The following FXN variants were observed in gnomAD, a reference collection of about 807,000 sequenced individuals.
FXN encodes frataxin.
In FXN, 14 loss-of-function variants were observed where a neutral mutation model predicts 22.4. The observed-to-expected ratio is 0.62, with a 90% CI of 0.41 to 0.98. The LOEUF (loss-of-function observed/expected upper bound fraction) is 0.98. Ranked by LOEUF, FXN falls within the 50% of genes least tolerant of loss-of-function variation. FXN has a pLI of 0.00. For synonymous variants in FXN, 120 were observed against 114.1 expected (o/e 1.05, Z -0.33); for missense variants, 267 against 268.4 (o/e 0.99, Z 0.04).
Position 69,064,918 on chromosome 9 carries a change from T to C in FXN, c.385-20T>C. 1 of 1,491,274 alleles carries C rather than the reference T, an allele frequency of 6.7e-7. No homozygotes were observed. The highest frequency in any genetic ancestry group is 9.4e-7 in the Non-Finnish European group (1 of 1,067,808). The allele number at this position is 1,491,274 out of a possible 1,614,324, so 92.4% of individuals were successfully genotyped here. ...TCTTGTTTTAATTTCTTTATGCTTT[T>C]TTTCCACCTAATCCCCTAGAGTGGT... On this transcript the variant is annotated intron_variant, in intron 3 of 4. Coordinates refer to ENST00000484259, the MANE Select transcript of FXN (RefSeq NM_000144.5).
intron 3 of FXN, among the ~76,000 whole-genome samples, chr9:69,060,863 T>C (rs1307453602): frequency 1.3e-5 from 2 of 152,212 alleles, no homozygotes; most frequent in African/African-American, 4.8e-5. Context: ...GACCTGCAGA[T>C]GCTAGCATGA....
At position 69,073,718 on chromosome 9, in the gene FXN, A is replaced by C. The variant is rs947827249; in HGVS notation, c.*956A>C. The C allele has an allele frequency of 1.0e-5, 10 of 985,446 alleles. No individual in the cohort carries two copies. The highest frequency in any genetic ancestry group is 1.2e-5 in the Non-Finnish European group (10 of 829,934). The allele number at this position is 985,446 out of a possible 1,614,324, so 61.0% of individuals were successfully genotyped here. On this transcript the variant is annotated 3_prime_UTR_variant, in exon 5 of 5. Transcript: ENST00000484259. The stretch of plus-strand genomic sequence containing the variant: ...TTCCCCATCTGTTAAATGAGAGAAT[A>C]GAGTATGGTTGATTCCCAGCATTCA...
rs113695176 is a variant in FXN, at chr9:69,076,727, A to G, written c.*3965A>G. The G allele has an allele frequency of 4.4e-5, 43 of 985,350 alleles. No homozygotes were observed. Among genetic ancestry groups the G allele is most frequent in the Non-Finnish European group, 4.8e-5 (40 of 829,958 alleles). 61.0% of individuals were successfully genotyped at this position (985,350 alleles called of 1,614,324 possible). ...ATCGCTTTACGCTTCCAAGGTACAC[A>G]CTAAGATGAAAGTAATTTTAGTCCG... On this transcript the variant is annotated 3_prime_UTR_variant, in exon 5 of 5. Coordinates refer to ENST00000484259, the MANE Select transcript of FXN (RefSeq NM_000144.5).
chr9:69,076,763 G>A lies in FXN; in HGVS notation c.*4001G>A, dbSNP rs1286067253. ...AGTAATTTTAGTCCGTGTCCAGTTGGATTCTTGGCACATAGTTATCTTCTG... is the reference window on the plus strand; with the variant it reads ...AGTAATTTTAGTCCGTGTCCAGTTGAATTCTTGGCACATAGTTATCTTCTG... On this transcript the variant is annotated 3_prime_UTR_variant, in exon 5 of 5. Coordinates refer to ENST00000484259, the MANE Select transcript of FXN (RefSeq NM_000144.5). 1 of 985,282 alleles carries A rather than the reference G, an allele frequency of 1.0e-6. No individual in the cohort carries two copies. The highest frequency in any genetic ancestry group is 1.2e-6 in the Non-Finnish European group (1 of 829,934). The allele number at this position is 985,282 out of a possible 1,614,324, so 61.0% of individuals were successfully genotyped here.
rs772220865 is a variant in FXN at position 69,072,805 on chromosome 9, G to A, written c.*43G>A. 8.7e-6 allele frequency: 14 copies of A among 1,613,356 alleles called. No individual in the cohort carries two copies. In the South Asian group the frequency reaches 1.5e-4, roughly 18 times the overall value. ...AGGACATTAAAAGCTATCAGGCCAA[G>A]ACCCCAGCTTCATTATGCAGCTGAG... On this transcript the variant is annotated 3_prime_UTR_variant, in exon 5 of 5. Transcript: ENST00000484259.
chr9:69,048,940 G>A (rs1432638017), intron 2 of FXN, among the ~76,000 whole-genome samples: 1 of 152,202 alleles, frequency 6.6e-6, no homozygotes, highest in Non-Finnish European at 1.5e-5. Context: ...ACTGCATGCT[G>A]CATGTTTGAG....
At position 69,073,389 on chromosome 9, in the gene FXN, C is replaced by T; in HGVS notation, c.*627C>T. On this transcript the variant is annotated 3_prime_UTR_variant, in exon 5 of 5. Transcript: ENST00000484259. ...CCTAGTGCTGTTTCTCCCACATATTCACATACGTGTCTGTGTGTATATATA... is the reference window on the plus strand; with the variant it reads ...CCTAGTGCTGTTTCTCCCACATATTTACATACGTGTCTGTGTGTATATATA... 1 of 986,626 alleles carries T rather than the reference C, an allele frequency of 1.0e-6. No homozygotes were observed. The highest frequency in any genetic ancestry group is 1.2e-6 in the Non-Finnish European group (1 of 830,832). 61.1% of individuals were successfully genotyped at this position (986,626 alleles called of 1,614,324 possible).
chr9:69,049,433 G>A (rs1831814632), intron 2 of FXN, among the ~76,000 whole-genome samples: 1 of 152,110 alleles, frequency 6.6e-6, no homozygotes, highest in Non-Finnish European at 1.5e-5. Context: ...CCTGGAAGTG[G>A]GTGATGGACT....
chr9:69,071,278 A>G (rs1297918015), intron 4 of FXN: 1 of 518,972 alleles, frequency 1.9e-6, no homozygotes, highest in Non-Finnish European at 3.8e-6. Flanking sequence ...ACTCATTTTT[A>G]TCTCCATACT....
intron 3 of FXN, among the ~76,000 whole-genome samples, chr9:69,060,096 T>A (rs191591474): frequency 6.6e-6 from 1 of 152,142 alleles, no homozygotes; most frequent in South Asian, 2.1e-4. Context: ...CAGCCGGGCG[T>A]GGTGGCTCAC....
rs906848077 is a variant in FXN at position 69,052,301 on chromosome 9, T to C, written c.264-839T>C. Among the ~76,000 whole-genome samples the C allele has an allele frequency of 6.6e-5, 10 of 151,580 alleles. No homozygotes were observed. In the East Asian group the frequency reaches 2.0e-3, roughly 30 times the overall value. On this transcript the variant is annotated intron_variant, in intron 2 of 4. Coordinates refer to ENST00000484259, the MANE Select transcript of FXN (RefSeq NM_000144.5). ...CCCAAGTAGCTGGGAACTACAGGCG[T>C]GCACCACAAGCCCAGCTAATTTTTG... is the stretch of plus-strand genomic sequence containing the variant.
intron 1 of FXN, among the ~76,000 whole-genome samples, chr9:69,042,946 G>A (rs546083442): frequency 6.6e-6 from 1 of 152,192 alleles, no homozygotes; most frequent in Non-Finnish European, 1.5e-5. Flanking sequence ...GTGTATCTGT[G>A]TAGGCAAGTT....
In FXN at chr9:69,072,829, AGGTCTGTTTTTTGTTGTTGT is replaced by A; in HGVS notation, c.*68_*87del. ...AGACCCCAGCTTCATTATGCAGCTG[AGGTCTGTTTTTTGTTGTTGT>A]TGTTGTTTATTTTTTTTATTCCTGC... On this transcript the variant is annotated 3_prime_UTR_variant, in exon 5 of 5. Coordinates refer to ENST00000484259, the MANE Select transcript of FXN (RefSeq NM_000144.5). 6.2e-7 allele frequency: 1 copy of A among 1,603,988 alleles called. No homozygotes were observed. The highest frequency in any genetic ancestry group is 8.5e-7 in the Non-Finnish European group (1 of 1,177,366).
At chr9:69,070,665 G>A (rs185081924) in intron 4 of FXN, among the ~76,000 whole-genome samples, 1 of 152,226 alleles carries the variant, frequency 6.6e-6, no homozygotes, top group Non-Finnish European at 1.5e-5. Flanking sequence ...AAGTTTGATT[G>A]ATAGCATTAG....
rs1326345238 is a variant in FXN, at chr9:69,076,100, G to A, written c.*3338G>A. ...CTGGCATGACTTATTTAGCTCTCTG[G>A]AATTACAAAGAAGGAATGAGGTGTG... On this transcript the variant is annotated 3_prime_UTR_variant, in exon 5 of 5. Transcript: ENST00000484259. 1.2e-5 allele frequency: 12 copies of A among 984,902 alleles called. No homozygotes were observed. Among genetic ancestry groups the A allele is most frequent in the Non-Finnish European group, 1.3e-5 (11 of 829,522 alleles). 61.0% of individuals were successfully genotyped at this position (984,902 alleles called of 1,614,324 possible).
At chr9:69,048,010 G>A (rs565525124) in intron 2 of FXN, among the ~76,000 whole-genome samples, 20 of 152,172 alleles carry the variant, frequency 1.3e-4, no homozygotes, top group East Asian at 3.9e-4. Context: ...GAGCCACTGC[G>A]CCCAGCCCAG....
chr9:69,058,893 C>T (rs1462438009), intron 3 of FXN, among the ~76,000 whole-genome samples: 2 of 151,986 alleles, frequency 1.3e-5, no homozygotes, highest in Non-Finnish European at 2.9e-5. Context: ...ACGGTGAAAC[C>T]CTGTCTCTAC....
chr9:69,075,029 G>A lies in FXN; in HGVS notation c.*2267G>A. The A allele has an allele frequency of 1.0e-6, 1 of 985,454 alleles. No individual in the cohort carries two copies. The highest frequency in any genetic ancestry group is 1.2e-6 in the Non-Finnish European group (1 of 829,958). 61.0% of individuals were successfully genotyped at this position (985,454 alleles called of 1,614,324 possible). On this transcript the variant is annotated 3_prime_UTR_variant, in exon 5 of 5. Coordinates refer to ENST00000484259, the MANE Select transcript of FXN (RefSeq NM_000144.5). ...GCAGTGGGGCTGCTCTGACATGAAA[G>A]TGGAAGTTAAGGAATCTGGGCTCTT...
intron 4 of FXN, among the ~76,000 whole-genome samples, chr9:69,067,629 C>CAAAAACAT (rs1318787563): frequency 1.3e-5 from 2 of 152,138 alleles, no homozygotes; most frequent in African/African-American, 2.4e-5. Context: ...ACAACAACAA[C>CAAAAACAT]AAAAACATGA....
Sources: allele counts gnomAD v4.1 joint callset (sites outside exome capture counted in the v4.1 genomes callset), GRCh38; gene constraint gnomAD v4.1.1; transcripts MANE v1.5; gene names NCBI Gene and HGNC (gene_info 2026-07-23, HGNC 2026-07-21).